Variants in ADK observed in about 807,000 individuals in gnomAD.
ADK encodes the protein N6,N6-dimethyladenosine kinase.
A neutral mutation model predicts 44.7 loss-of-function variants in ADK; 24 were observed. The ratio of observed to expected loss-of-function variants is 0.54; its 90% CI spans 0.39 to 0.76. The LOEUF (loss-of-function observed/expected upper bound fraction) is 0.76. Ranked by LOEUF, ADK falls within the 30% of genes least tolerant of loss-of-function variation. ADK has a pLI of 0.00. For synonymous variants in ADK, 128 were observed against 142.6 expected (o/e 0.90, Z 0.73); for missense variants, 321 against 425.1 (o/e 0.76, Z 2.15).
At chr10:74,664,294 T>A (rs1013491791) in intron 9 of ADK, among the ~76,000 whole-genome samples, 3 of 152,158 alleles carry the variant, frequency 2.0e-5, no homozygotes, top group African/African-American at 7.2e-5. Context: ...GTATGATACC[T>A]TTTTTTGTGT....
At chr10:74,232,226 AG>A (rs1409561773) in intron 3 of ADK, among the ~76,000 whole-genome samples, 6 of 152,322 alleles carry the variant, frequency 3.9e-5, no homozygotes, top group Admixed American at 3.3e-4. Context: ...GTTGCTTAAA[AG>A]AAAATAATTG....
intron 1 of ADK, among the ~76,000 whole-genome samples, chr10:74,163,999 T>TG (rs1325943451): frequency 6.6e-6 from 1 of 152,240 alleles, no homozygotes; most frequent in Non-Finnish European, 1.5e-5. Flanking sequence ...GTAGAAGTGA[T>TG]GCAGATTTAT....
chr10:74,529,776 AAGC>A (rs1345993766), intron 7 of ADK, among the ~76,000 whole-genome samples: 2 of 152,198 alleles, frequency 1.3e-5, no homozygotes, highest in Admixed American at 6.5e-5. Context: ...GCAGACCAAT[AAGC>A]AGTGGATACA....
chr10:74,629,106 T>G lies in ADK; in HGVS notation c.877+28613T>G, dbSNP rs145591686. On this transcript the variant is annotated intron_variant, in intron 9 of 10. Transcript: ENST00000539909. ...GTAGAGTGGAGTGATCTTAGCTCAC[T>G]TCATCCTGGAACACTTGGGCTCAAA... is the stretch of plus-strand genomic sequence containing the variant. 6.1e-4 allele frequency among the ~76,000 whole-genome samples: 93 copies of G among 152,228 alleles called. 2 individuals are homozygous for G. Among genetic ancestry groups the G allele is most frequent in the African/African-American group, 2.0e-3 (85 of 41,530 alleles).
At chr10:74,182,998 G>A (rs1314864577) in intron 1 of ADK, among the ~76,000 whole-genome samples, 2 of 152,076 alleles carry the variant, frequency 1.3e-5, no homozygotes, top group South Asian at 2.1e-4. Flanking sequence ...TCACTGCAAC[G>A]TCAACCTCTG....
intron 9 of ADK, among the ~76,000 whole-genome samples, chr10:74,652,186 T>G (rs560324184): frequency 5.1e-4 from 78 of 151,566 alleles, no homozygotes; most frequent in African/African-American, 1.4e-3. Flanking sequence ...GGATTACAGG[T>G]GCCCACCACC....
chr10:74,245,417 T>C (rs957109156), intron 3 of ADK, among the ~76,000 whole-genome samples: 1 of 152,106 alleles, frequency 6.6e-6, no homozygotes, highest in African/African-American at 2.4e-5. Context: ...ATAAATCAGA[T>C]CCCTCCTACA....
In ADK at chr10:74,223,250, C is replaced by T. The variant is rs561976669; in HGVS notation, c.141-1288C>T. 9.9e-5 allele frequency among the ~76,000 whole-genome samples: 15 copies of T among 152,184 alleles called. 2 individuals carry two copies. Among genetic ancestry groups the T allele is most frequent in the African/African-American group, 3.4e-4 (14 of 41,514 alleles). On this transcript the variant is annotated intron_variant, in intron 2 of 10. Coordinates refer to ENST00000539909, the MANE Select transcript of ADK (RefSeq NM_006721.4). ...GGGCCTGAACCTGCTAATGGTAGCT[C>T]AGGTCTCTTCTCTTCTTTTAAAGCC...
At chr10:74,363,945 G>A (rs148221980) in intron 4 of ADK, among the ~76,000 whole-genome samples, 500 of 152,260 alleles carry the variant, frequency 3.3e-3, no homozygotes, top group African/African-American at 0.011. Flanking sequence ...AGGAGCTGAG[G>A]CTGAGTCTGG....
At chr10:74,182,191 A>C (rs1206047956) in intron 1 of ADK, among the ~76,000 whole-genome samples, 4 of 152,194 alleles carry the variant, frequency 2.6e-5, no homozygotes, top group Non-Finnish European at 5.9e-5. Flanking sequence ...TAAAGTTTTC[A>C]AACTCATTTT....
intron 3 of ADK, among the ~76,000 whole-genome samples, chr10:74,283,278 C>T (rs1360336633): frequency 1.3e-5 from 2 of 151,840 alleles, no homozygotes; most frequent in African/African-American, 4.8e-5. Flanking sequence ...ATGTTCTGAA[C>T]CTACTTCCTA....
chr10:74,519,363 G>A (rs573275171), intron 6 of ADK, among the ~76,000 whole-genome samples: 2 of 151,924 alleles, frequency 1.3e-5, no homozygotes, highest in South Asian at 2.1e-4. Context: ...TACTAGCCAC[G>A]TTACTTATGC....
chr10:74,681,871 TTGTCAGTTAAGC>T, intron 10 of ADK, among the ~76,000 whole-genome samples: 1 of 149,660 alleles, frequency 6.7e-6, no homozygotes, highest in Non-Finnish European at 1.5e-5. Flanking sequence ...AAAAAAAAAG[TTGTCAGTTAAGC>T]TGTCTGTTAT....
At chr10:74,199,512 A>G (rs1355306169) in intron 1 of ADK, among the ~76,000 whole-genome samples, 3 of 152,130 alleles carry the variant, frequency 2.0e-5, no homozygotes, top group African/African-American at 4.8e-5. Context: ...TGTAAAGGAC[A>G]TGATTTCGTT....
chr10:74,608,131 T>G (rs558455293), intron 9 of ADK, among the ~76,000 whole-genome samples: 1 of 151,934 alleles, frequency 6.6e-6, no homozygotes, highest in African/African-American at 2.4e-5. Context: ...GCAATTCCTC[T>G]AACCTTTTTT....
intron 9 of ADK, among the ~76,000 whole-genome samples, chr10:74,663,394 A>G (rs1276327729): frequency 1.3e-5 from 2 of 151,870 alleles, no homozygotes; most frequent in African/African-American, 4.8e-5. Context: ...CTAATAAAGT[A>G]CCTGACACAT....
chr10:74,441,495 A>G (rs2133135634), intron 6 of ADK, among the ~76,000 whole-genome samples: 1 of 152,354 alleles, frequency 6.6e-6, no homozygotes, highest in African/African-American at 2.4e-5. Context: ...AATGACTGAA[A>G]TGTTCATCAA....
intron 2 of ADK, among the ~76,000 whole-genome samples, chr10:74,212,173 G>T (rs1029699698): frequency 1.3e-5 from 2 of 152,196 alleles, no homozygotes; most frequent in African/African-American, 2.4e-5. Context: ...AATGAACACA[G>T]ACTACTTTCC....
At chr10:74,297,127 A>C (rs1839846120) in intron 3 of ADK, among the ~76,000 whole-genome samples, 1 of 152,194 alleles carries the variant, frequency 6.6e-6, no homozygotes, top group Non-Finnish European at 1.5e-5. Flanking sequence ...GCAGAAATAC[A>C]CATTTTATTA....
Sources: gnomAD v4.1 joint callset for allele counts (sites outside exome capture counted in the v4.1 genomes callset) on GRCh38, gnomAD v4.1.1 for gene constraint, MANE v1.5 for transcripts, NCBI Gene and HGNC (gene_info 2026-07-23, HGNC 2026-07-21) for gene names.